The following SORCS1 variants were observed in gnomAD, a reference collection of about 807,000 sequenced individuals.
SORCS1 encodes VPS10 domain-containing receptor SorCS1.
SORCS1 carries 60 observed loss-of-function variants against 146.1 expected under a neutral mutation model. That is an observed-to-expected ratio of 0.41 (90% CI 0.33 to 0.51). The LOEUF is 0.51. SORCS1 is among the 20% of genes least tolerant of loss of function. The pLI is 0.21. For missense variants in SORCS1, 1,352 were observed against 1,487.6 expected (o/e 0.91, Z 1.50); for synonymous variants, 637 against 584.0 (o/e 1.09, Z -1.31).
chr10:106,651,272 A>G (rs1172485216), intron 18 of SORCS1, among the ~76,000 whole-genome samples: 1 of 152,200 alleles, frequency 6.6e-6, no homozygotes, highest in Non-Finnish European at 1.5e-5. Context: ...CAAAGCAATC[A>G]TAATTGCTTC....
intron 3 of SORCS1, among the ~76,000 whole-genome samples, chr10:106,823,862 C>G (rs545020595): frequency 1.3e-5 from 2 of 152,276 alleles, no homozygotes; most frequent in African/African-American, 4.8e-5. Flanking sequence ...TCACTAAACT[C>G]TCTGGGACTC....
intron 1 of SORCS1, among the ~76,000 whole-genome samples, chr10:106,985,948 A>G (rs1400549254): frequency 1.3e-5 from 2 of 151,484 alleles, no homozygotes; most frequent in Non-Finnish European, 2.9e-5. Context: ...AAGATACAGG[A>G]CCCAATCCTT....
upstream of SORCS1, among the ~76,000 whole-genome samples, chr10:107,164,903 A>T (rs1387505365): frequency 6.9e-6 from 1 of 145,276 alleles, no homozygotes; most frequent in African/African-American, 2.5e-5. This position sits in a 1 kb window ranked among gnomAD's most constrained non-coding sequence, Gnocchi z 6.8. Context: ...GCCGCCGGCG[A>T]CCTCCCCTCG....
chr10:107,114,538 G>A (rs935411776), intron 1 of SORCS1, among the ~76,000 whole-genome samples: 1 of 152,044 alleles, frequency 6.6e-6, no homozygotes, highest in Non-Finnish European at 1.5e-5. Flanking sequence ...TGCAGAAAAA[G>A]CATCTGACAA....
intron 2 of SORCS1, among the ~76,000 whole-genome samples, chr10:106,920,711 T>C (rs886902933): frequency 1.1e-4 from 16 of 150,852 alleles, no homozygotes; most frequent in Non-Finnish European, 1.5e-4. Context: ...GGCTGGGAGG[T>C]TTCCAGCACT....
chr10:106,678,347 T>C (rs985783366), intron 12 of SORCS1, among the ~76,000 whole-genome samples: 1 of 152,190 alleles, frequency 6.6e-6, no homozygotes. Flanking sequence ...TGGAGTTTCT[T>C]ATGCAAATTT....
chr10:106,773,012 A>G (rs1233106386), intron 4 of SORCS1, among the ~76,000 whole-genome samples: 1 of 152,208 alleles, frequency 6.6e-6, no homozygotes, highest in Non-Finnish European at 1.5e-5. Context: ...ATGCCTTAAA[A>G]AAACAAGGAA....
At chr10:107,045,743 G>A (rs561797668) in intron 1 of SORCS1, among the ~76,000 whole-genome samples, 1 of 150,056 alleles carries the variant, frequency 6.7e-6, no homozygotes, top group African/African-American at 2.4e-5. Flanking sequence ...ATATTTATGT[G>A]TGTGTATGTG....
chr10:106,801,617 C>T (rs1021393747), intron 3 of SORCS1, among the ~76,000 whole-genome samples: 12 of 151,138 alleles, frequency 7.9e-5, no homozygotes, highest in African/African-American at 2.2e-4. Context: ...CAAAGCTCCG[C>T]CTCCCAGGTT....
chr10:106,977,589 ATTTT>A (rs35526585), intron 1 of SORCS1, among the ~76,000 whole-genome samples: 1 of 133,448 alleles, frequency 7.5e-6, no homozygotes, highest in African/African-American at 2.8e-5. Flanking sequence ...CATTCATTGG[ATTTT>A]TTTTTTTTTT....
intron 2 of SORCS1, among the ~76,000 whole-genome samples, chr10:106,955,302 C>A (rs994490357): frequency 6.6e-6 from 1 of 152,238 alleles, no homozygotes; most frequent in East Asian, 1.9e-4. Context: ...GCGCCCAAGG[C>A]GGAGGCCCCT....
At chr10:106,806,425 AAAAT>A (rs1378328647) in intron 3 of SORCS1, among the ~76,000 whole-genome samples, 2 of 144,590 alleles carry the variant, frequency 1.4e-5, no homozygotes, top group East Asian at 4.1e-4. Context: ...AAAATAAAAT[AAAAT>A]AATCATGGAG....
At chr10:107,022,100 G>A (rs1453990284) in intron 1 of SORCS1, among the ~76,000 whole-genome samples, 8 of 152,108 alleles carry the variant, frequency 5.3e-5, no homozygotes, top group Admixed American at 4.6e-4. Flanking sequence ...TTCCAGGATG[G>A]AGGAGGATTG....
At chr10:106,682,962 G>A (rs533047377) in intron 10 of SORCS1, among the ~76,000 whole-genome samples, 1 of 152,250 alleles carries the variant, frequency 6.6e-6, no homozygotes, top group Admixed American at 6.5e-5. Flanking sequence ...ATAGTCACAG[G>A]CCATGGCATA....
chr10:106,625,200 CTGTGTGTGTGTGTGTG>C (rs3044907), intron 19 of SORCS1, among the ~76,000 whole-genome samples: 10,507 of 140,134 alleles, frequency 0.075, 442 homozygotes, highest in East Asian at 0.21. Context: ...TTGTGTGATT[CTGTGTGTGTGTGTGTG>C]TGTGTGTGTG....
At chr10:106,951,276 C>T (rs891009748) in intron 2 of SORCS1, among the ~76,000 whole-genome samples, 3 of 151,996 alleles carry the variant, frequency 2.0e-5, no homozygotes, top group Non-Finnish European at 4.4e-5. Flanking sequence ...CTTTGGGAGG[C>T]CGAGGTGGGT....
chr10:106,892,070 C>T (rs763137378), intron 2 of SORCS1, among the ~76,000 whole-genome samples: 4 of 152,158 alleles, frequency 2.6e-5, no homozygotes, highest in Non-Finnish European at 5.9e-5. Flanking sequence ...CACACAAAGC[C>T]TTCTCCATGT....
intron 2 of SORCS1, among the ~76,000 whole-genome samples, chr10:106,890,773 T>A (rs1028925439): frequency 2.6e-5 from 4 of 152,104 alleles, no homozygotes; most frequent in African/African-American, 7.2e-5. Flanking sequence ...GGAATGTCAG[T>A]TACTGGCACC....
At chr10:106,811,572 C>T (rs760040247) in intron 3 of SORCS1, among the ~76,000 whole-genome samples, 4 of 152,224 alleles carry the variant, frequency 2.6e-5, no homozygotes, top group Non-Finnish European at 5.9e-5. Flanking sequence ...TATATGCGGA[C>T]GTTTAAGAAC....
Sources: gnomAD v4.1 joint callset for allele counts (sites outside exome capture counted in the v4.1 genomes callset) on GRCh38, gnomAD v4.1.1 for gene constraint, Gnocchi (gnomAD v3.1) non-coding constraint, MANE v1.5 for transcripts, NCBI Gene and HGNC (gene_info 2026-07-23, HGNC 2026-07-21) for gene names.